Variants in KMO observed in about 807,000 individuals in gnomAD.
KMO encodes kynurenine 3-monooxygenase, also known as kynurenine 3-hydroxylase.
KMO carries 24 observed loss-of-function variants against 57.8 expected under a neutral mutation model. That is an observed-to-expected ratio of 0.42 (90% confidence interval 0.30 to 0.58). The LOEUF (loss-of-function observed/expected upper bound fraction) is 0.58. Ranked by LOEUF, KMO falls within the 20% of genes least tolerant of loss-of-function variation. The probability of loss-of-function intolerance (pLI) is 0.22; values close to 1 mark genes in which losing one functional copy is unlikely to be tolerated. For synonymous variants in KMO, 210 were observed against 193.6 expected, an observed-to-expected ratio of 1.08 and a Z score of -0.70; for missense variants, 483 against 588.2, an observed-to-expected ratio of 0.82 and a Z score of 1.85.
chr1:241,566,589 G>T lies in KMO; in HGVS notation c.786G>T (p.Pro262=). 1.2e-6 allele frequency: 2 copies of T among 1,613,648 alleles called. No individual in the cohort carries two copies. The highest frequency in any genetic ancestry group is 1.7e-6 in the Non-Finnish European group (2 of 1,179,754). Residue 262 remains proline (P), a synonymous_variant, in exon 9 of 15, where the codon CCG becomes CCT. Coordinates refer to ENST00000366559, the MANE Select transcript of KMO (RefSeq NM_003679.5). ...TAGATTTCTTCCAGAAATACTTTCC[G>T]GATGCCATCCCTCTAATTGGAGAGT... The part of the protein sequence containing the change: ...DVVDFFQKYF[P]DAIPLIGEKL...
chr1:241,576,242 A>G (rs933441864), intron 10 of KMO, among the ~76,000 whole-genome samples: 26 of 151,944 alleles, frequency 1.7e-4, no homozygotes, highest in African/African-American at 5.1e-4. Flanking sequence ...TAAGAGGAGC[A>G]TTTCGACAAT....
At chr1:241,566,031 T>C (rs554863872) in intron 8 of KMO, among the ~76,000 whole-genome samples, 1 of 152,032 alleles carries the variant, frequency 6.6e-6, no homozygotes, top group African/African-American at 2.4e-5. Context: ...ATGGAGAAAC[T>C]CTGTCTTTAC....
rs10681797 is a variant in KMO, at chr1:241,585,230, A to AAATTAATT, written c.958-1441_958-1434dup. 1.4e-3 allele frequency among the ~76,000 whole-genome samples: 205 copies of AAATTAATT among 151,138 alleles called. 1 individual carries two copies. The highest frequency in any genetic ancestry group is 4.8e-3 in the African/African-American group (197 of 41,144). On this transcript the variant is annotated intron_variant, in intron 10 of 14. Transcript: ENST00000366559. Reference sequence around the variant, plus strand: ...GGTGACAGACCGAGACTGCATTTCAAAATTAATTAATTAATAATTAAATTA... The same window carrying AAATTAATT: ...GGTGACAGACCGAGACTGCATTTCAAAATTAATTAATTAATTAATTAATAATTAAATTA...
At chr1:241,571,678 G>T (rs1662284278) in intron 10 of KMO, among the ~76,000 whole-genome samples, 1 of 151,834 alleles carries the variant, frequency 6.6e-6, no homozygotes, top group African/African-American at 2.4e-5. Context: ...TATTGAATTT[G>T]GTTTGCTTGC....
chr1:241,552,758 A>G (rs1006898139), intron 4 of KMO, among the ~76,000 whole-genome samples: 3 of 152,142 alleles, frequency 2.0e-5, no homozygotes, highest in African/African-American at 7.2e-5. Flanking sequence ...TTGACCTCCA[A>G]AATCCTTTCT....
intron 10 of KMO, among the ~76,000 whole-genome samples, chr1:241,572,205 T>C (rs1662318894): frequency 1.3e-5 from 2 of 152,108 alleles, no homozygotes; most frequent in African/African-American, 4.8e-5. Flanking sequence ...AATTCAGCAA[T>C]GAACCCATCA....
chr1:241,566,705 C>A (rs998915950), intron 9 of KMO, 93 bp downstream of exon 9: 2 of 1,328,326 alleles, frequency 1.5e-6, no homozygotes, highest in African/African-American at 2.9e-5. Context: ...GGGTTAAACA[C>A]GATGGATCAT....
intron 4 of KMO, among the ~76,000 whole-genome samples, chr1:241,555,183 T>C (rs2147954487): frequency 6.6e-6 from 1 of 152,246 alleles, no homozygotes; most frequent in Middle Eastern, 3.4e-3. Flanking sequence ...ACTTTTTACA[T>C]TGAAATGAAA....
At chr1:241,545,868 G>A (rs1168635948) in intron 1 of KMO, among the ~76,000 whole-genome samples, 2 of 152,104 alleles carry the variant, frequency 1.3e-5, no homozygotes, top group East Asian at 3.9e-4. Flanking sequence ...TTCTGGCCAT[G>A]GATATAATAC....
intron 10 of KMO, among the ~76,000 whole-genome samples, chr1:241,585,609 T>A (rs1662943646): frequency 6.6e-6 from 1 of 151,764 alleles, no homozygotes; most frequent in Admixed American, 6.6e-5. Flanking sequence ...ATACAAAAAT[T>A]AGCTGGGCGT....
intron 14 of KMO, among the ~76,000 whole-genome samples, chr1:241,591,685 T>C (rs1355025593): frequency 6.6e-6 from 1 of 152,212 alleles, no homozygotes; most frequent in African/African-American, 2.4e-5. Flanking sequence ...GGTTTTTTAA[T>C]GGCTGGACAA....
At chr1:241,590,985 C>T (rs766066952) in intron 14 of KMO, among the ~76,000 whole-genome samples, 12 of 152,176 alleles carry the variant, frequency 7.9e-5, no homozygotes, top group Non-Finnish European at 1.6e-4. Flanking sequence ...AGGGTGGAGG[C>T]GGGGCTTTAA....
chr1:241,574,306 T>C (rs1042078564), intron 10 of KMO, among the ~76,000 whole-genome samples: 1 of 152,130 alleles, frequency 6.6e-6, no homozygotes, highest in Non-Finnish European at 1.5e-5. Context: ...CAGAACTATG[T>C]TGAATAAAAG....
chr1:241,544,036 CA>C (rs1480312668), intron 1 of KMO, among the ~76,000 whole-genome samples: 2 of 152,210 alleles, frequency 1.3e-5, no homozygotes, highest in Non-Finnish European at 2.9e-5. Flanking sequence ...TATTCCAACA[CA>C]GTCACTGAGA....
intron 1 of KMO, 78 bp from the exon 2 acceptor site, chr1:241,548,751 A>G (rs1427083517): frequency 1.9e-5 from 16 of 832,382 alleles, no homozygotes; most frequent in Non-Finnish European, 3.1e-5. Context: ...ATAGCCTCAC[A>G]TGATGTTTCA....
chr1:241,549,265 G>GT (rs879610226), intron 2 of KMO, among the ~76,000 whole-genome samples: 3,551 of 147,988 alleles, frequency 0.024, 290 homozygotes, highest in Middle Eastern at 0.048. Flanking sequence ...AAGAAAGAAA[G>GT]AAAGGAAGGA....
chr1:241,555,525 AAT>A (rs1369818500), intron 4 of KMO, 85 bp from the exon 5 acceptor site: 3 of 715,986 alleles, frequency 4.2e-6, no homozygotes, highest in African/African-American at 1.8e-5. Flanking sequence ...CTAAATAATA[AAT>A]ATGTTTTATT....
intron 4 of KMO, 21 bp from the exon 5 acceptor site, chr1:241,555,591 T>A: frequency 7.2e-7 from 1 of 1,393,432 alleles, no homozygotes; most frequent in Non-Finnish European, 1.0e-6. Flanking sequence ...ACAAACAGTA[T>A]CTACTCTACT....
chr1:241,549,534 T>C (rs1309768066), intron 2 of KMO, 143 bp from the exon 3 acceptor site: 4 of 422,396 alleles, frequency 9.5e-6, no homozygotes, highest in Non-Finnish European at 1.7e-5. Context: ...ATAAAGTTAC[T>C]GCTATTAGCA....
Sources: allele counts gnomAD v4.1 joint callset (sites outside exome capture counted in the v4.1 genomes callset), GRCh38; gene constraint gnomAD v4.1.1; transcripts MANE v1.5; gene names NCBI Gene and HGNC (gene_info 2026-07-23, HGNC 2026-07-21).